DPP6: variants seen among roughly 807,000 people sequenced by gnomAD.
The protein encoded by DPP6 is A-type potassium channel modulatory protein DPP6.
DPP6 carries 69 observed loss-of-function variants against 122.6 expected under a neutral mutation model. The ratio of observed to expected loss-of-function variants is 0.56; its 90% confidence interval spans 0.46 to 0.69. The LOEUF is 0.69. Ranked by LOEUF, DPP6 falls within the 30% of genes least tolerant of loss-of-function variation. DPP6 has a pLI of 0.00. For synonymous variants in DPP6, 418 were observed against 433.1 expected, an observed-to-expected ratio of 0.97 and a Z score of 0.43; for missense variants, 928 against 1,116.9, an observed-to-expected ratio of 0.83 and a Z score of 2.41.
At chr7:153,773,347 G>T in the DPP6 span, among the ~76,000 whole-genome samples, 1 of 143,230 alleles carries the variant, frequency 7.0e-6, no homozygotes, top group African/African-American at 2.6e-5. Context: ...TTTAAAGCAG[G>T]CATAATATTG....
At chr7:153,844,554 T>C in the DPP6 span, among the ~76,000 whole-genome samples, 1 of 152,338 alleles carries the variant, frequency 6.6e-6, no homozygotes, top group South Asian at 2.1e-4. Flanking sequence ...GAACCATTGA[T>C]GATTTTAACA....
At chr7:154,258,569 A>C (rs1802807364) in intron 1 of DPP6, among the ~76,000 whole-genome samples, 1 of 152,214 alleles carries the variant, frequency 6.6e-6, no homozygotes, top group African/African-American at 2.4e-5. Flanking sequence ...CAAAAGCAAC[A>C]AATAAATGGT....
chr7:154,078,213 C>A (rs1432876487), intron 1 of DPP6, among the ~76,000 whole-genome samples: 1 of 152,114 alleles, frequency 6.6e-6, no homozygotes, highest in Non-Finnish European at 1.5e-5. Flanking sequence ...TTGTCATCTG[C>A]TTTCATTGAA....
In DPP6 at chr7:154,377,889, C is replaced by T. The variant is rs116662292; in HGVS notation, c.244-68325C>T. Among the ~76,000 whole-genome samples the T allele has an allele frequency of 6.0e-3, 920 of 152,280 alleles. 9 individuals are homozygous for T. The highest frequency in any genetic ancestry group is 0.021 in the African/African-American group (866 of 41,558). On this transcript the variant is annotated intron_variant, in intron 1 of 25. Transcript: ENST00000377770. ...AGCATGCTAGACCAGGCTGTGTGAG[C>T]CACTTGGGCACTGCATGGATTTGGG...
At chr7:154,011,649 A>G (rs1052793975) in intron 1 of DPP6, among the ~76,000 whole-genome samples, 1 of 152,244 alleles carries the variant, frequency 6.6e-6, no homozygotes, top group Non-Finnish European at 1.5e-5. Flanking sequence ...CTTAAAAGAA[A>G]TATTTGTTTG....
chr7:154,059,745 A>T (rs1423522173), intron 1 of DPP6, among the ~76,000 whole-genome samples: 1 of 150,750 alleles, frequency 6.6e-6, no homozygotes, highest in Non-Finnish European at 1.5e-5. Context: ...TTTCCATTGT[A>T]TGCGTCAGAG....
At chr7:154,355,175 G>T (rs1028456297) in intron 1 of DPP6, among the ~76,000 whole-genome samples, 1 of 152,026 alleles carries the variant, frequency 6.6e-6, no homozygotes, top group Non-Finnish European at 1.5e-5. Flanking sequence ...CAAGTTTTTT[G>T]CTCATTTTTA....
the DPP6 span, among the ~76,000 whole-genome samples, chr7:153,764,394 C>T: frequency 6.6e-6 from 1 of 151,824 alleles, no homozygotes; most frequent in Non-Finnish European, 1.5e-5. Context: ...CTTGCTCCTC[C>T]TCTGCACTCG....
At position 154,060,837 on chromosome 7, in the gene DPP6, C is replaced by A. The variant is rs1268268977; in HGVS notation, c.243+7774C>A. Among the ~76,000 whole-genome samples the A allele has an allele frequency of 6.1e-4, 76 of 123,910 alleles. 3 individuals carry two copies. In the South Asian group the frequency reaches 7.5e-3, roughly 12 times the overall value. 81.3% of individuals were successfully genotyped at this position (123,910 alleles called of 152,430 possible). On this transcript the variant is annotated intron_variant, in intron 1 of 25. Transcript: ENST00000377770. Reference sequence around the variant, plus strand: ...CCATGAGGCAGGGACTGAGAGCCAGCCCCTGTTCCCCCACTGGCTCTTAGG... The same window carrying A: ...CCATGAGGCAGGGACTGAGAGCCAGACCCTGTTCCCCCACTGGCTCTTAGG...
intron 7 of DPP6, among the ~76,000 whole-genome samples, chr7:154,683,045 G>A (rs1160621727): frequency 6.6e-6 from 1 of 152,130 alleles, no homozygotes; most frequent in African/African-American, 2.4e-5. Flanking sequence ...AAAAAAGTTA[G>A]CAAATTAGTG....
At chr7:154,236,741 AT>A in intron 1 of DPP6, among the ~76,000 whole-genome samples, 1 of 152,138 alleles carries the variant, frequency 6.6e-6, no homozygotes. Context: ...TGACGTCGGT[AT>A]TGCTGGGCCA....
chr7:154,819,737 C>T (rs967768330), intron 16 of DPP6, among the ~76,000 whole-genome samples: 2 of 151,964 alleles, frequency 1.3e-5, no homozygotes, highest in Non-Finnish European at 2.9e-5. Flanking sequence ...AGGAAGGGGC[C>T]CCAATGGACT....
intron 1 of DPP6, chr7:154,058,937 C>A (rs1483053272): frequency 9.3e-6 from 1 of 107,392 alleles, no homozygotes; most frequent in Admixed American, 8.4e-5. Context: ...GTTAGTACCC[C>A]CATCGCAGGG....
chr7:153,990,619 CT>C (rs1797124648), intron 1 of DPP6, among the ~76,000 whole-genome samples: 1 of 152,022 alleles, frequency 6.6e-6, no homozygotes, highest in Non-Finnish European at 1.5e-5. Context: ...CTGGAGCCCC[CT>C]GTCCAAGGGC....
At chr7:154,029,650 T>G (rs1460676404) in intron 1 of DPP6, among the ~76,000 whole-genome samples, 1 of 145,134 alleles carries the variant, frequency 6.9e-6, no homozygotes, top group East Asian at 2.2e-4. Flanking sequence ...ATCGAGACCA[T>G]CCTGGCTAAC....
intron 6 of DPP6, among the ~76,000 whole-genome samples, chr7:154,658,672 G>T (rs996010144): frequency 6.6e-6 from 1 of 152,182 alleles, no homozygotes; most frequent in Non-Finnish European, 1.5e-5. Context: ...GGGAGGGAGA[G>T]CCTTCAGTGC....
chr7:154,639,923 T>C (rs557306906), intron 6 of DPP6, among the ~76,000 whole-genome samples: 45 of 152,182 alleles, frequency 3.0e-4, no homozygotes, highest in Non-Finnish European at 5.4e-4. Context: ...AGCTACTGTA[T>C]GCTTGAGTCT....
intron 3 of DPP6, among the ~76,000 whole-genome samples, chr7:154,529,640 A>G (rs926250905): frequency 1.3e-5 from 2 of 152,228 alleles, no homozygotes; most frequent in Non-Finnish European, 2.9e-5. Context: ...ACTATCCTCA[A>G]CGAATTAACA....
At chr7:154,815,335 A>G (rs192549483) in intron 16 of DPP6, among the ~76,000 whole-genome samples, 14 of 152,350 alleles carry the variant, frequency 9.2e-5, no homozygotes, top group Admixed American at 9.1e-4. Context: ...CAAAATTCAC[A>G]GTCAAGTGGC....
Sources: allele counts gnomAD v4.1 joint callset (sites outside exome capture counted in the v4.1 genomes callset), GRCh38; gene constraint gnomAD v4.1.1; transcripts MANE v1.5; gene names NCBI Gene and HGNC (gene_info 2026-07-23, HGNC 2026-07-21).